Variants in CDH2 observed in about 807,000 individuals in gnomAD.
The protein encoded by CDH2 is cadherin 2, also known as cadherin-2.
In CDH2, 17 loss-of-function variants were observed where a neutral mutation model predicts 92.0. That is an observed-to-expected ratio of 0.18 (90% confidence interval 0.13 to 0.28). The LOEUF is 0.28. Among genes scored for constraint, CDH2 ranks in the 10% least tolerant of loss-of-function variants. CDH2 has a pLI of 1.00. For synonymous variants in CDH2, 419 were observed against 415.9 expected, an observed-to-expected ratio of 1.01 and a Z score of -0.09; for missense variants, 862 against 1,133.1, an observed-to-expected ratio of 0.76 and a Z score of 3.44.
chr18:28,038,441 G>GTA (rs934492313), intron 2 of CDH2, among the ~76,000 whole-genome samples: 13 of 138,524 alleles, frequency 9.4e-5, no homozygotes, highest in Non-Finnish European at 2.0e-4. Context: ...GTGTGTGTGT[G>GTA]TGTGTGTGTG....
chr18:28,066,168 G>A (rs1599074010), intron 2 of CDH2, among the ~76,000 whole-genome samples: 1 of 151,868 alleles, frequency 6.6e-6, no homozygotes, highest in Admixed American at 6.6e-5. Context: ...AAATTACAAT[G>A]GACTGAACTA....
intron 2 of CDH2, among the ~76,000 whole-genome samples, chr18:28,028,357 A>G (rs2013611728): frequency 6.6e-6 from 1 of 152,152 alleles, no homozygotes; most frequent in Non-Finnish European, 1.5e-5. Context: ...TTCATAGAAC[A>G]TGATGTGCAT....
chr18:27,953,754 C>T (rs1909577188), intron 15 of CDH2, among the ~76,000 whole-genome samples: 1 of 152,096 alleles, frequency 6.6e-6, no homozygotes, highest in Non-Finnish European at 1.5e-5. Flanking sequence ...TTAACCTCAT[C>T]TACAACTGTA....
downstream of CDH2, among the ~76,000 whole-genome samples, chr18:27,949,630 CAA>C (rs1909360653): frequency 6.6e-6 from 1 of 151,566 alleles, no homozygotes; most frequent in Admixed American, 6.6e-5. Context: ...TTCATAAAAA[CAA>C]AAGAAAATCA....
chr18:28,037,921 A>C (rs2013868679), intron 2 of CDH2, among the ~76,000 whole-genome samples: 1 of 152,184 alleles, frequency 6.6e-6, no homozygotes, highest in African/African-American at 2.4e-5. Context: ...ATAAAAAAAG[A>C]TGATGAAGAA....
At chr18:27,958,552 T>A (rs200751906) in intron 15 of CDH2, among the ~76,000 whole-genome samples, 1 of 149,862 alleles carries the variant, frequency 6.7e-6, no homozygotes, top group East Asian at 1.9e-4. Flanking sequence ...TAAATACGTG[T>A]ATATTTATAT....
chr18:28,051,058 A>T (rs773936973), intron 2 of CDH2, among the ~76,000 whole-genome samples: 10 of 152,216 alleles, frequency 6.6e-5, no homozygotes, highest in Non-Finnish European at 1.5e-4. Context: ...TTCCTTCTCA[A>T]TTCTAATCCA....
chr18:27,966,113 T>TG (rs1378310559), intron 14 of CDH2, among the ~76,000 whole-genome samples: 1 of 150,278 alleles, frequency 6.7e-6, no homozygotes, highest in African/African-American at 2.5e-5. Flanking sequence ...CACAACAGAG[T>TG]GGGGTGAACT....
intron 14 of CDH2, among the ~76,000 whole-genome samples, chr18:27,970,408 G>C (rs2011628621): frequency 6.6e-6 from 1 of 152,172 alleles, no homozygotes; most frequent in South Asian, 2.1e-4. Context: ...ATTCATCTCA[G>C]AGAAAACATA....
Position 27,982,939 on chromosome 18 carries a change from C to G in CDH2, c.2349+5G>C. ...TTATTTTTAAAGATTTAAAGCACTGCTCACCTGGTCTTCTTCTCCTCCACC... is the reference window on the plus strand; with the variant it reads ...TTATTTTTAAAGATTTAAAGCACTGGTCACCTGGTCTTCTTCTCCTCCACC... On this transcript the variant is annotated splice_donor_5th_base_variant and intron_variant, in intron 14 of 15. Transcript: ENST00000269141. 6.3e-7 allele frequency: 1 copy of G among 1,585,292 alleles called. No individual in the cohort carries two copies. The highest frequency in any genetic ancestry group is 8.6e-7 in the Non-Finnish European group (1 of 1,162,466).
intron 2 of CDH2, among the ~76,000 whole-genome samples, chr18:28,119,645 A>G (rs536846353): frequency 6.6e-6 from 1 of 152,228 alleles, no homozygotes; most frequent in East Asian, 1.9e-4. Context: ...TACCACCTCT[A>G]TTGTGCCCTA....
At position 28,013,730 on chromosome 18, in the gene CDH2, C is replaced by T. The variant is rs17445840; in HGVS notation, c.352G>A (p.Ala118Thr). Residue 118 changes from alanine (A) to threonine (T), a missense_variant, in exon 3 of 16, where the codon GCA becomes ACA. Physicochemically the swap from Ala to Thr is moderately conservative, Grantham distance 58. Coordinates refer to ENST00000269141, the MANE Select transcript of CDH2 (RefSeq NM_001792.5). ...DKETQEKWQV[A>T]VKLSLKPTLT... ...GTTGGCTTCAGGCTCAATTTTACTGCCACTTGCCACTTTTCCTGGGTCTCT... is the reference window on the plus strand; with the variant it reads ...GTTGGCTTCAGGCTCAATTTTACTGTCACTTGCCACTTTTCCTGGGTCTCT... 82,036 of 1,613,106 alleles carry T rather than the reference C, an allele frequency of 0.051. 2,320 individuals are homozygous for T. The highest frequency in any genetic ancestry group is 0.067 in the South Asian group (6,134 of 91,056).
chr18:28,041,680 G>T (rs1209739840), intron 2 of CDH2, among the ~76,000 whole-genome samples: 6 of 152,132 alleles, frequency 3.9e-5, no homozygotes, highest in Non-Finnish European at 7.3e-5. Flanking sequence ...AAGAAGCAGT[G>T]CAGGCAGTAT....
intron 1 of CDH2, among the ~76,000 whole-genome samples, chr18:28,148,704 G>T (rs2144329329): frequency 6.6e-6 from 1 of 152,228 alleles, no homozygotes; most frequent in African/African-American, 2.4e-5. Flanking sequence ...ACAGCATTAG[G>T]GACAGTCCAC....
In CDH2 at chr18:27,934,683, C is replaced by T. The variant is rs138631169; in HGVS notation, c.1152-1559G>A. ...AGCTGTGTTTTCTTTGGTCCTTGAC[C>T]CCAGGATTTTTGGAACCAGTAATTA... On this transcript the variant is annotated intron_variant, in intron 6 of 6. Coordinates refer to the CDH2 transcript ENST00000675173. 8.8e-4 allele frequency among the ~76,000 whole-genome samples: 133 copies of T among 151,350 alleles called. 2 individuals are homozygous for T. The East Asian group carries it at 0.018, about 21-fold the overall frequency.
intron 1 of CDH2, among the ~76,000 whole-genome samples, chr18:28,158,689 T>C (rs1235962016): frequency 6.6e-6 from 1 of 152,200 alleles, no homozygotes; most frequent in Non-Finnish European, 1.5e-5. Flanking sequence ...GCCACTTCCA[T>C]AATATTACAA....
chr18:27,985,996 G>A (rs749413388), intron 11 of CDH2, among the ~76,000 whole-genome samples: 2 of 152,078 alleles, frequency 1.3e-5, no homozygotes, highest in Non-Finnish European at 2.9e-5. Flanking sequence ...GCAAGGTGAC[G>A]AAGAATGCCC....
At chr18:28,138,031 T>C (rs2015893027) in intron 2 of CDH2, among the ~76,000 whole-genome samples, 1 of 152,050 alleles carries the variant, frequency 6.6e-6, no homozygotes, top group South Asian at 2.1e-4. Context: ...AGAATGTGTG[T>C]GTGTCTGGAT....
rs1220144 is a variant in CDH2, at chr18:27,985,118, A to G, written c.2091T>C (p.Arg697=). The G allele has an allele frequency of 1, 1,611,326 of 1,614,058 alleles. 804,345 individuals are homozygous for G. The highest frequency in any genetic ancestry group is 1 in the Non-Finnish European group (1,179,872 of 1,179,932). The change falls in exon 13 of 16, where the codon CGT becomes CGC. Residue 697 remains arginine (R), a synonymous_variant. Coordinates refer to ENST00000269141, the MANE Select transcript of CDH2 (RefSeq NM_001792.5). ...TGGAGTCACACTGGCAAACCTTCAC[A>G]CGCAGGATGGAAATATTTGATTTGG... is the stretch of plus-strand genomic sequence containing the variant. ...NPPKSNISIL[R]VKVCQCDSNG... is the part of the protein sequence containing the mutation.
Sources: gnomAD v4.1 joint callset for allele counts (sites outside exome capture counted in the v4.1 genomes callset) on GRCh38, gnomAD v4.1.1 for gene constraint, MANE v1.5 for transcripts, NCBI Gene and HGNC (gene_info 2026-07-23, HGNC 2026-07-21) for gene names.